ALDH3B2: variants seen among roughly 807,000 people sequenced by gnomAD.
The protein encoded by ALDH3B2 is aldehyde dehydrogenase 3 family member B2.
ALDH3B2 carries 45 observed loss-of-function variants against 36.7 expected under a neutral mutation model. The observed-to-expected ratio is 1.23, with a 90% CI of 0.97 to 1.57. The LOEUF is 1.57. ALDH3B2 is among the 40% of genes most tolerant of loss of function. The pLI is 0.00. For missense variants in ALDH3B2, 464 were observed against 513.3 expected (o/e 0.90, Z 0.93); for synonymous variants, 217 against 226.5 (o/e 0.96, Z 0.38).
At position 67,666,313 on chromosome 11, in the gene ALDH3B2, C is replaced by T. The variant is rs1468982992; in HGVS notation, c.237+3G>A. Reference sequence around the variant, plus strand: ...GGCACTGCTGGGGCAGGGCCACCCTCACCTGGTCCAGGTACTGGGGCAGCA... The same window carrying T: ...GGCACTGCTGGGGCAGGGCCACCCTTACCTGGTCCAGGTACTGGGGCAGCA... On this transcript the variant is annotated splice_donor_region_variant and intron_variant, in intron 5 of 9. Transcript: ENST00000349015. 1 of 1,608,502 alleles carries T rather than the reference C, an allele frequency of 6.2e-7. No homozygotes were observed. The highest frequency in any genetic ancestry group is 1.1e-5 in the South Asian group (1 of 90,536).
chr11:67,680,129 C>T (rs1856343874), intron 1 of ALDH3B2, among the ~76,000 whole-genome samples: 1 of 152,066 alleles, frequency 6.6e-6, no homozygotes, highest in Non-Finnish European at 1.5e-5. Context: ...GCCTGACCAA[C>T]ATGATGAAAC....
At chr11:67,666,461 G>A in intron 4 of ALDH3B2, 60 bp from the exon 5 acceptor site, 1 of 1,603,306 alleles carries the variant, frequency 6.2e-7, no homozygotes, top group South Asian at 1.1e-5. Context: ...CCAACCAGGG[G>A]CTGGGCTCAG....
chr11:67,667,896 T>TC (rs1046818138), intron 1 of ALDH3B2: 1 of 154,666 alleles, frequency 6.5e-6, no homozygotes, highest in Non-Finnish European at 1.4e-5. Context: ...AGGGAGGGGA[T>TC]CCCCCTCCTG....
chr11:67,665,875 C>A (rs1295261043), intron 6 of ALDH3B2, among the ~76,000 whole-genome samples: 1 of 152,178 alleles, frequency 6.6e-6, no homozygotes, highest in Non-Finnish European at 1.5e-5. Flanking sequence ...AAAGTCCTGG[C>A]CCGCCTCACC....
At position 67,666,094 on chromosome 11, in the gene ALDH3B2, C is replaced by T. The variant is rs200030285; in HGVS notation, c.319+28G>A. The T allele has an allele frequency of 4.9e-5, 79 of 1,603,650 alleles. No individual in the cohort carries two copies. In the African/African-American group the frequency reaches 9.0e-4, roughly 18 times the overall value. On this transcript the variant is annotated intron_variant, in intron 6 of 9. Coordinates refer to ENST00000349015, the Ensembl canonical transcript of ALDH3B2. ...CTCTCCTGATGATCCCCTCCACCTA[C>T]TCTGGGACCCTGGCCTGGCCCCCTC...
upstream of ALDH3B2, among the ~76,000 whole-genome samples, chr11:67,679,377 A>T (rs4930475): frequency 6.6e-6 from 1 of 151,788 alleles, no homozygotes; most frequent in Non-Finnish European, 1.5e-5. Flanking sequence ...AGGCTGAGGC[A>T]GGAGAATTAC....
chr11:67,670,531 T>A (rs1035156608), intron 1 of ALDH3B2, among the ~76,000 whole-genome samples: 1 of 152,140 alleles, frequency 6.6e-6, no homozygotes, highest in African/African-American at 2.4e-5. Flanking sequence ...AGTGGCCCCA[T>A]CTGCACTTGC....
At chr11:67,664,689 C>T (rs61423854) in intron 7 of ALDH3B2, 127 bp from the exon 8 acceptor site, 6 of 1,354,220 alleles carry the variant, frequency 4.4e-6, no homozygotes, top group Non-Finnish European at 4.9e-6. Context: ...GACTTCCCAG[C>T]GCTTCAGGCT....
intron 6 of ALDH3B2, 84 bp from the exon 7 acceptor site, chr11:67,665,755 A>G: frequency 6.6e-7 from 1 of 1,522,564 alleles, no homozygotes; most frequent in Non-Finnish European, 8.8e-7. Context: ...TCCTCCCTGG[A>G]GAGGTGTTGG....
Position 67,665,187 on chromosome 11 carries a change from G to A in ALDH3B2, c.706+98C>T, listed in dbSNP as rs527308828. On this transcript the variant is annotated intron_variant, in intron 7 of 9. Coordinates refer to ENST00000349015, the Ensembl canonical transcript of ALDH3B2. The stretch of plus-strand genomic sequence containing the variant: ...AGGCCGGGCTCTGATAGTGGGGCCG[G>A]GTTTCAGGTGCGAGTCCAGACTCGT... 1.7e-4 allele frequency: 262 copies of A among 1,513,074 alleles called. 1 individual carries two copies. The South Asian group carries it at 2.2e-3, about 13-fold the overall frequency. The allele number at this position is 1,513,074 out of a possible 1,614,324, so 93.7% of individuals were successfully genotyped here.
Position 67,667,502 on chromosome 11 carries a change from G to A in ALDH3B2, c.-111C>T, listed in dbSNP as rs377135977. The A allele has an allele frequency of 6.9e-5, 27 of 390,328 alleles. No individual in the cohort carries two copies. The South Asian group carries it at 1.1e-3, about 16-fold the overall frequency. The allele number at this position is 390,328 out of a possible 1,614,324, so 24.2% of individuals were successfully genotyped here. On this transcript the variant is annotated 5_prime_UTR_variant, in exon 2 of 10. Transcript: ENST00000349015. ...TGCAGGTCCTGGGCCAGCACGTCGC[G>A]CAGAAGCTGCTTGTTTTCTTGAAGG...
chr11:67,679,896 G>A (rs569933738), intron 1 of ALDH3B2, among the ~76,000 whole-genome samples: 13 of 152,112 alleles, frequency 8.5e-5, no homozygotes, highest in Non-Finnish European at 1.9e-4. Context: ...TACAAAAGGA[G>A]GGCTAGAAAG....
At chr11:67,670,239 GGTGTCTGTGTGTGT>G (rs1228864996) in intron 1 of ALDH3B2, among the ~76,000 whole-genome samples, 7 of 95,954 alleles carry the variant, frequency 7.3e-5, no homozygotes, top group Non-Finnish European at 1.6e-4. Flanking sequence ...TGTGTGTATG[GGTGTCTGTGTGTGT>G]ATGGGTGTGT....
At chr11:67,663,162 T>A in exon 10 of ALDH3B2, 1 of 1,542,802 alleles carries the variant, frequency 6.5e-7, no homozygotes. Context: ...CATAAGCCCC[T>A]CATGGCTAGA....
chr11:67,672,200 T>C (rs1245685984), intron 1 of ALDH3B2, among the ~76,000 whole-genome samples: 1 of 145,972 alleles, frequency 6.9e-6, no homozygotes, highest in African/African-American at 2.6e-5. Flanking sequence ...CAGGCCAGAG[T>C]GCAGTGGTGG....
intron 8 of ALDH3B2, 115 bp from the exon 9 acceptor site, chr11:67,663,876 C>T (rs1478296692): frequency 1.2e-5 from 10 of 816,178 alleles, no homozygotes; most frequent in Admixed American, 5.8e-5. Flanking sequence ...CACCCTCTAA[C>T]GGGCAATAAT....
Position 67,665,553 on chromosome 11 carries a change from G to A in ALDH3B2, c.438C>T (p.Thr146=), listed in dbSNP as rs73492529. Residue 146 remains threonine (T), a synonymous_variant, in exon 7 of 10, where the codon ACC becomes ACT. Transcript: ENST00000349015. ...AGAACCAGGCCACGCGGTTGGCCACGGTCTGGGGGTCGCAGTTGTCGTCCA... is the reference window on the plus strand; with the variant it reads ...AGAACCAGGCCACGCGGTTGGCCACAGTCTGGGGGTCGCAGTTGTCGTCCA... The A allele has an allele frequency of 1.6e-3, 2,613 of 1,614,124 alleles. 30 individuals are homozygous for A. In the African/African-American group the frequency reaches 0.03, roughly 18 times the overall value.
In ALDH3B2 at chr11:67,663,277, T is replaced by C. The variant is rs58465018; in HGVS notation, c.1096A>G (p.Thr366Ala). The C allele has an allele frequency of 5.8e-3, 9,349 of 1,613,968 alleles. 125 individuals are homozygous for C. The highest frequency in any genetic ancestry group is 0.047 in the African/African-American group (3,501 of 75,030). ...CGTAACAGCTGCTGGTTCCAGTCGG[T>C]ATAGGGTGGGTAGTGGATCTCCTTT... The change falls in exon 10 of 10, where the codon ACC (threonine) becomes GCC (alanine). Residue 366 changes from threonine to alanine, a missense_variant. Coordinates refer to ENST00000349015, the Ensembl canonical transcript of ALDH3B2.
At position 67,663,037 on chromosome 11, in the gene ALDH3B2, G is replaced by A. The variant is rs925834366; in HGVS notation, c.*178C>T. On this transcript the variant is annotated 3_prime_UTR_variant, in exon 10 of 10. Coordinates refer to ENST00000349015, the Ensembl canonical transcript of ALDH3B2. ...GGCCTCTCTCGAGCAGCGTCCCCCA[G>A]ATAGAAGCAAGACCTTGCTTTGCAG... 5.0e-6 allele frequency: 4 copies of A among 800,216 alleles called. No homozygotes were observed. In the African/African-American group the frequency reaches 5.2e-5, roughly 10 times the overall value. 49.6% of individuals were successfully genotyped at this position (800,216 alleles called of 1,614,324 possible).
Sources: gnomAD v4.1 joint callset for allele counts (sites outside exome capture counted in the v4.1 genomes callset) on GRCh38, gnomAD v4.1.1 for gene constraint, MANE v1.5 for transcripts, NCBI Gene and HGNC (gene_info 2026-07-23, HGNC 2026-07-21) for gene names.